The following LRAT variants were observed in gnomAD, a reference collection of about 807,000 sequenced individuals.
LRAT encodes lecithin retinol acyltransferase (phosphatidylcholine--retinol O-acyltransferase).
Under a neutral mutation model 14.2 loss-of-function variants are expected in LRAT, and 11 were observed. The observed-to-expected ratio is 0.78, with a 90% CI of 0.49 to 1.29. The LOEUF is 1.29. Ranked by LOEUF, LRAT falls within the 50% of genes most tolerant of loss-of-function variation. The pLI is 0.00. For synonymous variants in LRAT, 144 were observed against 124.8 expected, an observed-to-expected ratio of 1.15 and a Z score of -1.03; for missense variants, 274 against 292.4, an observed-to-expected ratio of 0.94 and a Z score of 0.46.
Position 154,752,353 on chromosome 4 carries a change from G to C in LRAT, c.*3217G>C, listed in dbSNP as rs568398358. 6.6e-6 allele frequency: 1 copy of C among 152,332 alleles called. No homozygotes were observed. Among genetic ancestry groups the C allele is most frequent in the Admixed American group, 6.5e-5 (1 of 15,304 alleles). 9.4% of individuals were successfully genotyped at this position (152,332 alleles called of 1,614,324 possible). A position where few individuals can be genotyped will look rare whatever the true frequency, so the allele number is the denominator to read the frequency against. On this transcript the variant is annotated 3_prime_UTR_variant, in exon 3 of 3. Transcript: ENST00000336356. ...TATGAGTTGTTGACTTGAAAACATG[G>C]AACTGCACAGGGCATTCAGGCAAGT...
intron 2 of LRAT, among the ~76,000 whole-genome samples, chr4:154,745,948 A>G (rs1181839770): frequency 2.0e-5 from 3 of 152,202 alleles, no homozygotes; most frequent in Non-Finnish European, 2.9e-5. Flanking sequence ...AGATCAATAC[A>G]ATTAGTTTTC....
intron 2 of LRAT, chr4:154,748,466 C>A (rs1732924819): frequency 1.2e-6 from 1 of 854,916 alleles, no homozygotes; most frequent in Non-Finnish European, 1.4e-6. Flanking sequence ...CATATTTAGT[C>A]AGGAAATGGG....
chr4:154,746,531 T>A (rs909495371), intron 2 of LRAT, among the ~76,000 whole-genome samples: 3 of 152,150 alleles, frequency 2.0e-5, no homozygotes, highest in Non-Finnish European at 4.4e-5. Flanking sequence ...CAGGCCTGTT[T>A]AGAAATGAAC....
At chr4:154,746,218 G>A (rs997573535) in intron 2 of LRAT, among the ~76,000 whole-genome samples, 19 of 152,144 alleles carry the variant, frequency 1.2e-4, no homozygotes, top group African/African-American at 2.4e-4. Context: ...AATAACATAT[G>A]AGCTTTAGTG....
chr4:154,741,992 A>G (rs1732777069), upstream of LRAT, among the ~76,000 whole-genome samples: 1 of 152,030 alleles, frequency 6.6e-6, no homozygotes, highest in Non-Finnish European at 1.5e-5. Context: ...GGCCCGTGAC[A>G]CAAGAGGCTT....
chr4:154,741,184 C>T (rs2111027822), upstream of LRAT, among the ~76,000 whole-genome samples: 1 of 133,404 alleles, frequency 7.5e-6, no homozygotes, highest in African/African-American at 2.9e-5. Flanking sequence ...TTGCAATGGT[C>T]CTTGACGAAG....
At position 154,744,339 on chromosome 4, in the gene LRAT, A is replaced by G. The variant is rs771746091; in HGVS notation, c.13A>G (p.Met5Val). The part of the protein sequence containing the change: MKNP[M>V]LEVVSLLLEK... The stretch of plus-strand genomic sequence containing the variant: ...TCTTCCCTGCAGGATGAAGAACCCC[A>G]TGCTGGAGGTGGTGTCTTTACTACT... The change falls in exon 2 of 3, where the codon ATG (methionine) becomes GTG (valine). Residue 5 changes from methionine (M) to valine (V), a missense_variant. By Grantham distance (21) the Met-to-Val change is conservative. Coordinates refer to ENST00000336356, the MANE Select transcript of LRAT (RefSeq NM_004744.5). 1.2e-5 allele frequency: 19 copies of G among 1,613,978 alleles called. No individual in the cohort carries two copies. Among genetic ancestry groups the G allele is most frequent in the East Asian group, 1.1e-4 (5 of 44,854 alleles).
At position 154,752,822 on chromosome 4, in the gene LRAT, A is replaced by G. The variant is rs1733023936; in HGVS notation, c.*3686A>G. 6.6e-6 allele frequency: 1 copy of G among 152,170 alleles called. No individual in the cohort carries two copies. 9.4% of individuals were successfully genotyped at this position (152,170 alleles called of 1,614,324 possible). A position where few individuals can be genotyped will look rare whatever the true frequency, so the allele number is the denominator to read the frequency against. ...AGCTCTGTTAGATATGTTTCTTTCT[A>G]AGGACAAGCAACTATGTATAGACTT... is the stretch of plus-strand genomic sequence containing the variant. On this transcript the variant is annotated 3_prime_UTR_variant, in exon 3 of 3. Transcript: ENST00000336356.
rs1733003971 is a variant in LRAT at position 154,751,840 on chromosome 4, A to G, written c.*2704A>G. On this transcript the variant is annotated 3_prime_UTR_variant, in exon 3 of 3. Coordinates refer to ENST00000336356, the MANE Select transcript of LRAT (RefSeq NM_004744.5). ...TGAATTCTCTGGGCTTCATCCATTA[A>G]GATTCATCCTTATGCTCCTGCAAGT... 1 of 151,608 alleles carries G rather than the reference A, an allele frequency of 6.6e-6. No individual in the cohort carries two copies. Among genetic ancestry groups the G allele is most frequent in the Non-Finnish European group, 1.5e-5 (1 of 67,934 alleles). 9.4% of individuals were successfully genotyped at this position (151,608 alleles called of 1,614,324 possible). A position where few individuals can be genotyped will look rare whatever the true frequency, so the allele number is the denominator to read the frequency against.
rs1348894071 is a variant in LRAT at position 154,744,108 on chromosome 4, C to G, written c.-116C>G. 2 of 591,792 alleles carry G rather than the reference C, an allele frequency of 3.4e-6. No homozygotes were observed. Among genetic ancestry groups the G allele is most frequent in the African/African-American group, 1.9e-5 (1 of 53,730 alleles). 36.7% of individuals were successfully genotyped at this position (591,792 alleles called of 1,614,324 possible). Reference sequence around the variant, plus strand: ...CCGCCGTCAGCCACCGGTTCCTTATCCGTCTCATTCCCCATTGTGGCTTGG... The same window carrying G: ...CCGCCGTCAGCCACCGGTTCCTTATGCGTCTCATTCCCCATTGTGGCTTGG... On this transcript the variant is annotated 5_prime_UTR_variant, in exon 1 of 3. In the 5' UTR this introduces an upstream ATG that the reference lacks. Transcript: ENST00000336356.
chr4:154,743,125 A>ACCCCCCC (rs59844353), upstream of LRAT, among the ~76,000 whole-genome samples: 1 of 17,832 alleles, frequency 5.6e-5, no homozygotes, highest in Admixed American at 1.0e-3. Context: ...GACCCCCCCA[A>ACCCCCCC]CCCCCCCCCC....
rs546614246 is a variant in LRAT, at chr4:154,746,560, A to G, written c.540+1694A>G. ...AATGAACTCCACCACATTTACAAAC[A>G]CGGGCTCCCAAAGTGTACAAAAGGA... On this transcript the variant is annotated intron_variant, in intron 2 of 2. Coordinates refer to ENST00000336356, the MANE Select transcript of LRAT (RefSeq NM_004744.5). 1.6e-4 allele frequency among the ~76,000 whole-genome samples: 25 copies of G among 152,330 alleles called. No homozygotes were observed. In the South Asian group the frequency reaches 5.2e-3, roughly 32 times the overall value.
At chr4:154,741,651 A>G (rs1732769981), upstream of LRAT, among the ~76,000 whole-genome samples, 1 of 152,188 alleles carries the variant, frequency 6.6e-6, no homozygotes, top group Non-Finnish European at 1.5e-5. Context: ...GGCGGCCAGA[A>G]AGTGGACCCC....
In LRAT at chr4:154,751,687, T is replaced by C. The variant is rs1015555397; in HGVS notation, c.*2551T>C. 10 of 123,242 alleles carry C rather than the reference T, an allele frequency of 8.1e-5. No homozygotes were observed. Among genetic ancestry groups the C allele is most frequent in the Non-Finnish European group, 1.2e-4 (8 of 64,214 alleles). 7.6% of individuals were successfully genotyped at this position (123,242 alleles called of 1,614,324 possible). On this transcript the variant is annotated 3_prime_UTR_variant, in exon 3 of 3. Coordinates refer to ENST00000336356, the MANE Select transcript of LRAT (RefSeq NM_004744.5). ...AGGCGGAGCTTGCAGTGAGTGGAAA[T>C]TGCGCCACTGCACTCCAGCCTGGGC...
rs1322679405 is a variant in LRAT, at chr4:154,749,762, T to TA, written c.*631dup. ...AATTATAGAAATCTGTGTTTTCCTG[T>TA]AAAAATAGCACTATAGTATCACTTG... is the stretch of plus-strand genomic sequence containing the variant. On this transcript the variant is annotated 3_prime_UTR_variant, in exon 3 of 3. Transcript: ENST00000336356. 6.6e-6 allele frequency: 1 copy of TA among 152,494 alleles called. No individual in the cohort carries two copies. Among genetic ancestry groups the TA allele is most frequent in the Non-Finnish European group, 1.5e-5 (1 of 68,274 alleles). 9.4% of individuals were successfully genotyped at this position (152,494 alleles called of 1,614,324 possible). A position where few individuals can be genotyped will look rare whatever the true frequency, so the allele number is the denominator to read the frequency against.
In LRAT at chr4:154,744,021, C is replaced by T. The variant is rs1315700881; in HGVS notation, c.-203C>T. 4.6e-6 allele frequency: 2 copies of T among 436,976 alleles called. No individual in the cohort carries two copies. The highest frequency in any genetic ancestry group is 2.5e-5 in the South Asian group (1 of 39,996). 27.1% of individuals were successfully genotyped at this position (436,976 alleles called of 1,614,324 possible). On this transcript the variant is annotated 5_prime_UTR_variant, in exon 1 of 3. Coordinates refer to ENST00000336356, the MANE Select transcript of LRAT (RefSeq NM_004744.5). The stretch of plus-strand genomic sequence containing the variant: ...CTCCGAGCACCGCGCGCGGCCCTGC[C>T]CCCGGCACGGCCCCCAGGTGCGCTC...
upstream of LRAT, among the ~76,000 whole-genome samples, chr4:154,741,089 A>G (rs934885063): frequency 1.3e-5 from 2 of 152,008 alleles, no homozygotes; most frequent in East Asian, 1.9e-4. Flanking sequence ...GTGTGCCTCC[A>G]GGGAGCCATT....
chr4:154,743,361 C>G (rs1048236769), upstream of LRAT, among the ~76,000 whole-genome samples: 4 of 151,818 alleles, frequency 2.6e-5, no homozygotes. Flanking sequence ...ATTAGCCAGG[C>G]GTGGTGCCTG....
chr4:154,748,406 C>CT (rs1578862679), intron 2 of LRAT: 4 of 988,598 alleles, frequency 4.0e-6, no homozygotes, highest in African/African-American at 3.5e-5. Context: ...CAATATTTGT[C>CT]TTTTTTTCCA....
Sources: gnomAD v4.1 joint callset for allele counts (sites outside exome capture counted in the v4.1 genomes callset) on GRCh38, gnomAD v4.1.1 for gene constraint, MANE v1.5 for transcripts, NCBI Gene and HGNC (gene_info 2026-07-23, HGNC 2026-07-21) for gene names.